The following FYB1 variants were observed in gnomAD, a reference collection of about 807,000 sequenced individuals.
FYB1 encodes the protein FYN binding protein 1, also known as FYN-binding protein 1.
FYB1 carries 41 observed loss-of-function variants against 94.1 expected under a neutral mutation model. The ratio of observed to expected loss-of-function variants is 0.44; its 90% CI spans 0.34 to 0.57. FYB1 has a LOEUF of 0.57. FYB1 is among the 20% of genes least tolerant of loss of function. FYB1 has a pLI of 0.02. For missense variants in FYB1, 1,050 were observed against 976.8 expected (o/e 1.07, Z -1.00); for synonymous variants, 367 against 353.2 (o/e 1.04, Z -0.44).
chr5:39,119,426 G>A, intron 15 of FYB1, 109 bp downstream of exon 15: 1 of 768,422 alleles, frequency 1.3e-6, no homozygotes, highest in Non-Finnish European at 2.0e-6. Flanking sequence ...TGTGCATTTT[G>A]TTACTTAAAA....
At chr5:39,124,339 G>T in intron 12 of FYB1, 61 bp from the exon 13 acceptor site, 2 of 1,199,604 alleles carry the variant, frequency 1.7e-6, no homozygotes, top group Non-Finnish European at 2.3e-6. Context: ...AATTGATTCC[G>T]TTATATAGGA....
chr5:39,215,484 C>A (rs1749786658), intron 1 of FYB1, among the ~76,000 whole-genome samples: 1 of 152,132 alleles, frequency 6.6e-6, no homozygotes, highest in African/African-American at 2.4e-5. Flanking sequence ...GCAGCACTTG[C>A]TGTGTGGTCC....
At chr5:39,211,669 A>T (rs889769328) in intron 1 of FYB1, among the ~76,000 whole-genome samples, 1 of 152,146 alleles carries the variant, frequency 6.6e-6, no homozygotes, top group African/African-American at 2.4e-5. Flanking sequence ...TTTGCTAAGG[A>T]CATTTGAAGT....
intron 3 of FYB1, among the ~76,000 whole-genome samples, chr5:39,149,531 C>G (rs982129048): frequency 5.3e-5 from 8 of 152,198 alleles, no homozygotes; most frequent in Non-Finnish European, 1.2e-4. Flanking sequence ...TCTCATTTCT[C>G]CCATCAGTTA....
chr5:39,144,756 C>T (rs960374164), intron 3 of FYB1, among the ~76,000 whole-genome samples: 8 of 152,040 alleles, frequency 5.3e-5, no homozygotes, highest in African/African-American at 1.7e-4. Flanking sequence ...GAGCCAAGAT[C>T]GTGCCACTGC....
At chr5:39,123,605 T>C (rs1279278266) in intron 13 of FYB1, among the ~76,000 whole-genome samples, 1 of 152,154 alleles carries the variant, frequency 6.6e-6, no homozygotes, top group Admixed American at 6.6e-5. Context: ...TAATGTCAGA[T>C]AAAGGGTCTA....
Position 39,131,901 on chromosome 5 carries a change from G to A in FYB1, c.1818-1289C>T, listed in dbSNP as rs370079990. 8.3e-4 allele frequency among the ~76,000 whole-genome samples: 126 copies of A among 152,288 alleles called. 2 individuals are homozygous for A. The highest frequency in any genetic ancestry group is 2.9e-3 in the African/African-American group (121 of 41,550). On this transcript the variant is annotated intron_variant, in intron 9 of 18. Coordinates refer to ENST00000512982, the MANE Select transcript of FYB1 (RefSeq NM_001465.6). ...ATTATTCAACTTCCTAAAATGGCCT[G>A]TTTAGAACATTTGATGAAAACATTT...
At chr5:39,191,437 G>T (rs2150460688) in intron 2 of FYB1, among the ~76,000 whole-genome samples, 1 of 152,272 alleles carries the variant, frequency 6.6e-6, no homozygotes, top group South Asian at 2.1e-4. Flanking sequence ...TACAATGCAG[G>T]TTCTTACTTT....
At chr5:39,249,756 CT>C (rs1751636897) in intron 1 of FYB1, among the ~76,000 whole-genome samples, 2 of 152,138 alleles carry the variant, frequency 1.3e-5, no homozygotes. Context: ...GAGGGATGCA[CT>C]CAGCAAGTTA....
At chr5:39,211,324 T>C (rs1438515052) in intron 1 of FYB1, among the ~76,000 whole-genome samples, 1 of 46 alleles carries the variant, frequency 0.022, no homozygotes, top group Non-Finnish European at 0.1. Context: ...TTTCTTTTCT[T>C]TTTTTTTTTT....
intron 2 of FYB1, among the ~76,000 whole-genome samples, chr5:39,171,059 G>A (rs546223545): frequency 4.2e-4 from 64 of 152,054 alleles, no homozygotes; most frequent in African/African-American, 1.3e-3. Flanking sequence ...AGGCTGAGGC[G>A]GAGGGGTGAC....
At chr5:39,200,428 T>A (rs1252857714) in intron 2 of FYB1, among the ~76,000 whole-genome samples, 1 of 152,222 alleles carries the variant, frequency 6.6e-6, no homozygotes, top group Non-Finnish European at 1.5e-5. Context: ...ACTCCTTCCC[T>A]GGTGTGAAGT....
At chr5:39,113,677 A>C (rs407914) in intron 16 of FYB1, among the ~76,000 whole-genome samples, 2 of 142,376 alleles carry the variant, frequency 1.4e-5, no homozygotes, top group South Asian at 4.5e-4. Flanking sequence ...TTTTTACTTA[A>C]TAAAAATGAC....
intron 3 of FYB1, among the ~76,000 whole-genome samples, chr5:39,151,810 G>C (rs1334208641): frequency 6.6e-6 from 1 of 152,156 alleles, no homozygotes. Flanking sequence ...GGAATGTTTG[G>C]GAAATACTCA....
rs1383071346 is a variant in FYB1 at position 39,118,904 on chromosome 5, T to C, written c.2371A>G (p.Lys791Glu). 6.5e-7 allele frequency: 1 copy of C among 1,539,318 alleles called. No individual in the cohort carries two copies. The highest frequency in any genetic ancestry group is 1.9e-5 in the Admixed American group (1 of 52,872). The change falls in exon 16 of 19, where the codon AAA becomes GAA. Residue 791 changes from lysine to glutamate, a missense_variant. Coordinates refer to ENST00000512982, the MANE Select transcript of FYB1 (RefSeq NM_001465.6). ...CCTTCTTCATTTCTGCAGAGAACTTTTGTGTCATCTGTGGTTTGTATAACT... is the reference window on the plus strand; with the variant it reads ...CCTTCTTCATTTCTGCAGAGAACTTCTGTGTCATCTGTGGTTTGTATAACT... ...LEVIQTTDDT[K>E]VLCRNEEGKY...
At chr5:39,213,623 A>G (rs1188807363) in intron 1 of FYB1, among the ~76,000 whole-genome samples, 1 of 152,204 alleles carries the variant, frequency 6.6e-6, no homozygotes, top group Non-Finnish European at 1.5e-5. Context: ...CTAAGAGAAG[A>G]CAAACAATTC....
rs571565320 is a variant in FYB1 at position 39,151,331 on chromosome 5, C to G, written c.1292+2117G>C. Among the ~76,000 whole-genome samples the G allele has an allele frequency of 3.9e-5, 6 of 152,170 alleles. No homozygotes were observed. In the South Asian group the frequency reaches 1.2e-3, roughly 32 times the overall value. On this transcript the variant is annotated intron_variant, in intron 3 of 18. Coordinates refer to ENST00000512982, the MANE Select transcript of FYB1 (RefSeq NM_001465.6). ...TTGAGATAGGGTCTTGCTCTGTCAC[C>G]CAGGCTGGAGTGCAGTGGCACAATT... is the stretch of plus-strand genomic sequence containing the variant.
intron 1 of FYB1, chr5:39,211,040 A>G (rs2150524460): frequency 6.6e-6 from 1 of 152,306 alleles, no homozygotes; most frequent in African/African-American, 2.4e-5. Flanking sequence ...ACAATTTTTT[A>G]TAGCAAATTT....
In FYB1 at chr5:39,202,119, T is replaced by C; in HGVS notation, c.842A>G (p.Glu281Gly). The C allele has an allele frequency of 1.2e-6, 2 of 1,614,044 alleles. No individual in the cohort carries two copies. The highest frequency in any genetic ancestry group is 1.7e-6 in the Non-Finnish European group (2 of 1,179,896). ...GGPGLSKNGE[E>G]KKEDRKIDAA... ...ATCTATCTTCCTATCTTCCTTTTTT[T>C]CTTCACCATTTTTGGAGAGACCTGG... The change falls in exon 2 of 19, where the codon GAA becomes GGA. Residue 281 changes from glutamate (E) to glycine (G), a missense_variant. Glu to Gly is a moderately conservative substitution (Grantham distance 98, BLOSUM62 -2). Transcript: ENST00000512982.
Sources: gnomAD v4.1 joint callset for allele counts (sites outside exome capture counted in the v4.1 genomes callset) on GRCh38, gnomAD v4.1.1 for gene constraint, MANE v1.5 for transcripts, NCBI Gene and HGNC (gene_info 2026-07-23, HGNC 2026-07-21) for gene names.